Variants in CCDC73 observed in about 807,000 individuals in gnomAD.
CCDC73 encodes coiled-coil domain-containing protein 73.
In CCDC73, 95 loss-of-function variants were observed where a neutral mutation model predicts 116.5. The observed-to-expected ratio is 0.82, with a 90% CI of 0.69 to 0.97. CCDC73 has a LOEUF of 0.97. CCDC73 is among the 50% of genes least tolerant of loss of function. The pLI, the probability that CCDC73 is intolerant of heterozygous loss-of-function variation, is 0.00. For missense variants in CCDC73, 1,066 were observed against 1,206.8 expected (o/e 0.88, Z 1.73); for synonymous variants, 398 against 401.3 (o/e 0.99, Z 0.10).
chr11:32,661,291 G>C (rs1443425335), intron 9 of CCDC73, among the ~76,000 whole-genome samples: 14 of 152,016 alleles, frequency 9.2e-5, no homozygotes, highest in Admixed American at 9.2e-4. Flanking sequence ...TTCATCAATT[G>C]GAGTGAATCG....
At chr11:32,808,148 A>C in the CCDC73 span, among the ~76,000 whole-genome samples, 1 of 150,690 alleles carries the variant, frequency 6.6e-6, no homozygotes, top group African/African-American at 2.4e-5. Context: ...AAATTTAACC[A>C]AATTAAAGAA....
intron 4 of CCDC73, among the ~76,000 whole-genome samples, chr11:32,702,118 G>T (rs1339610958): frequency 6.6e-6 from 1 of 152,014 alleles, no homozygotes; most frequent in Admixed American, 6.6e-5. Context: ...TCTGTCATTT[G>T]CTTAAAAAAA....
the CCDC73 span, among the ~76,000 whole-genome samples, chr11:32,808,295 C>T: frequency 6.6e-6 from 1 of 152,108 alleles, no homozygotes; most frequent in African/African-American, 2.4e-5. Context: ...TCTTTCTATG[C>T]TGATAATTTA....
At chr11:32,753,004 C>T (rs1850300027) in intron 2 of CCDC73, among the ~76,000 whole-genome samples, 1 of 152,082 alleles carries the variant, frequency 6.6e-6, no homozygotes. Context: ...TAAAGGGTCT[C>T]ATTATATTGC....
chr11:32,808,289 T>C, the CCDC73 span, among the ~76,000 whole-genome samples: 2,586 of 152,288 alleles, frequency 0.017, 80 homozygotes, highest in African/African-American at 0.059. Context: ...AAAAAGTCTT[T>C]CTATGCTGAT....
intron 1 of CCDC73, among the ~76,000 whole-genome samples, chr11:32,761,602 G>T (rs898686395): frequency 2.0e-5 from 3 of 152,108 alleles, no homozygotes; most frequent in Non-Finnish European, 2.9e-5. Flanking sequence ...ACCAGCATTT[G>T]CTGTTATCAC....
At position 32,618,977 on chromosome 11, in the gene CCDC73, T is replaced by A. The variant is rs557507162; in HGVS notation, c.1186-2848A>T. Among the ~76,000 whole-genome samples, 28 of 152,354 alleles carry A rather than the reference T, an allele frequency of 1.8e-4. No individual in the cohort carries two copies. The South Asian group carries it at 2.3e-3, about 12-fold the overall frequency. On this transcript the variant is annotated intron_variant, in intron 14 of 17. Transcript: ENST00000335185. Reference sequence around the variant, plus strand: ...ATGTTTGTTGGCTGCTCATATGTCTTCTTTTGAGAGGTGTCTGTTCATGTC... The same window carrying A: ...ATGTTTGTTGGCTGCTCATATGTCTACTTTTGAGAGGTGTCTGTTCATGTC...
the CCDC73 span, among the ~76,000 whole-genome samples, chr11:32,822,339 G>A: frequency 6.6e-6 from 1 of 152,160 alleles, no homozygotes; most frequent in Non-Finnish European, 1.5e-5. Context: ...GGTATCCTCA[G>A]GTTTATCTGT....
At chr11:32,667,439 C>T (rs376740971) in intron 9 of CCDC73, among the ~76,000 whole-genome samples, 5 of 152,204 alleles carry the variant, frequency 3.3e-5, no homozygotes, top group African/African-American at 7.2e-5. Context: ...AGCAATGCTC[C>T]GTGGGTGTGG....
intron 9 of CCDC73, among the ~76,000 whole-genome samples, chr11:32,669,004 G>T (rs1349202042): frequency 6.6e-6 from 1 of 152,040 alleles, no homozygotes; most frequent in Non-Finnish European, 1.5e-5. Context: ...AGGCCAGATG[G>T]TCTTTGACTT....
intron 14 of CCDC73, among the ~76,000 whole-genome samples, chr11:32,631,173 C>G (rs937797329): frequency 7.2e-5 from 11 of 152,160 alleles, no homozygotes; most frequent in African/African-American, 2.7e-4. Context: ...TGATAGAACA[C>G]AGACACAGAT....
rs764656083 is a variant in CCDC73 at position 32,614,391 on chromosome 11, G to C, written c.1927C>G (p.Gln643Glu). Residue 643 changes from glutamine (Q) to glutamate (E), a missense_variant, in exon 16 of 18, where the codon CAG (glutamine) becomes GAG (glutamate). Coordinates refer to ENST00000335185, the MANE Select transcript of CCDC73 (RefSeq NM_001008391.4). ...CTTGAATTCCGTAAACTATATTTCTGACATGGAACAGGATTTTTTTTTATA... is the reference window on the plus strand; with the variant it reads ...CTTGAATTCCGTAAACTATATTTCTCACATGGAACAGGATTTTTTTTTATA... ...LDIKKNPVPC[Q>E]KYSLRNSSNV... 6.2e-7 allele frequency: 1 copy of C among 1,612,984 alleles called. No individual in the cohort carries two copies. The highest frequency in any genetic ancestry group is 2.2e-5 in the East Asian group (1 of 44,812).
At chr11:32,608,210 C>CA in intron 17 of CCDC73, among the ~76,000 whole-genome samples, 1 of 152,268 alleles carries the variant, frequency 6.6e-6, no homozygotes, top group East Asian at 1.9e-4. Flanking sequence ...AACACTCCCC[C>CA]AAAGTCTTAC....
In CCDC73 at chr11:32,654,960, C is replaced by T. The variant is rs759016084; in HGVS notation, c.658G>A (p.Ala220Thr). ...ICSLKKELKKAASDLIKSKVT... is the reference protein window; with the variant it reads ...ICSLKKELKKTASDLIKSKVT... ...TTGGACTTTATCAAGTCTGAGGCTG[C>T]TTTTTTTAGTTCCTTAATAAGAAAC... Residue 220 changes from alanine (A) to threonine (T), a missense_variant, in exon 10 of 18, where the codon GCA becomes ACA. Ala to Thr is a moderately conservative substitution (Grantham distance 58). Transcript: ENST00000335185. 1 of 1,589,426 alleles carries T rather than the reference C, an allele frequency of 6.3e-7. No homozygotes were observed. Among genetic ancestry groups the T allele is most frequent in the Non-Finnish European group, 8.5e-7 (1 of 1,173,798 alleles).
intron 1 of CCDC73, among the ~76,000 whole-genome samples, chr11:32,790,694 T>C (rs539251258): frequency 1.3e-5 from 2 of 152,136 alleles, no homozygotes; most frequent in African/African-American, 2.4e-5. Flanking sequence ...GGATTATATA[T>C]ATAAATTTTA....
chr11:32,603,173 A>G (rs1275895884), intron 17 of CCDC73, 153 bp from the exon 18 acceptor site: 1 of 599,148 alleles, frequency 1.7e-6, no homozygotes, highest in African/African-American at 1.9e-5. Flanking sequence ...AAAAGTATAC[A>G]ATGTGAATGT....
At chr11:32,604,115 A>G (rs1460748351) in intron 17 of CCDC73, 1 of 152,140 alleles carries the variant, frequency 6.6e-6, no homozygotes, top group Admixed American at 6.5e-5. Flanking sequence ...TGTTTTCAAA[A>G]TAACAATTAT....
At chr11:32,702,360 T>C (rs1849821160) in intron 4 of CCDC73, among the ~76,000 whole-genome samples, 1 of 152,222 alleles carries the variant, frequency 6.6e-6, no homozygotes, top group African/African-American at 2.4e-5. Flanking sequence ...AGGATTCATT[T>C]GATTTTTTTT....
At chr11:32,691,191 C>A (rs1003697793) in intron 6 of CCDC73, among the ~76,000 whole-genome samples, 4 of 151,932 alleles carry the variant, frequency 2.6e-5, no homozygotes, top group African/African-American at 9.7e-5. Flanking sequence ...GCTACAGGCA[C>A]CTGCCACCAC....
Sources: allele counts gnomAD v4.1 joint callset (sites outside exome capture counted in the v4.1 genomes callset), GRCh38; gene constraint gnomAD v4.1.1; transcripts MANE v1.5; gene names NCBI Gene and HGNC (gene_info 2026-07-23, HGNC 2026-07-21).